Variants in VEPH1 observed in about 807,000 individuals in gnomAD.
VEPH1 encodes ventricular zone-expressed PH domain-containing protein homolog 1.
In VEPH1, 80 loss-of-function variants were observed where a neutral mutation model predicts 85.2. The ratio of observed to expected loss-of-function variants is 0.94; its 90% CI spans 0.78 to 1.13. The LOEUF is 1.13. Among genes scored for constraint, VEPH1 ranks in the 50% most tolerant of loss-of-function variants. The probability of loss-of-function intolerance (pLI) is 0.00; values close to 1 mark genes in which losing one functional copy is unlikely to be tolerated. For missense variants in VEPH1, 955 were observed against 980.5 expected (o/e 0.97, Z 0.35); for synonymous variants, 297 against 348.0 (o/e 0.85, Z 1.63).
intron 4 of VEPH1, among the ~76,000 whole-genome samples, chr3:157,441,429 CATT>C (rs2109231082): frequency 6.6e-6 from 1 of 152,274 alleles, no homozygotes; most frequent in Admixed American, 6.5e-5. Flanking sequence ...GCTTAGTCAT[CATT>C]ATTATACATT....
chr3:157,455,251 C>T (rs1050298997), intron 4 of VEPH1, among the ~76,000 whole-genome samples: 5 of 152,288 alleles, frequency 3.3e-5, no homozygotes, highest in East Asian at 3.9e-4. Context: ...GCCTTGCCAA[C>T]ATCTATTGTT....
chr3:157,378,438 A>G (rs1728404247), intron 7 of VEPH1, among the ~76,000 whole-genome samples: 1 of 149,482 alleles, frequency 6.7e-6, no homozygotes, highest in South Asian at 2.1e-4. Context: ...GGTTGTCACA[A>G]TTGAAAGGGG....
At chr3:157,270,807 G>A (rs1714449046) in intron 12 of VEPH1, among the ~76,000 whole-genome samples, 1 of 152,036 alleles carries the variant, frequency 6.6e-6, no homozygotes, top group Non-Finnish European at 1.5e-5. Context: ...GGGAAGATAT[G>A]GCATTTTACA....
rs191718468 is a variant in VEPH1, at chr3:157,352,619, A to G, written c.1735+10745T>C. Among the ~76,000 whole-genome samples, 18 of 152,378 alleles carry G rather than the reference A, an allele frequency of 1.2e-4. No homozygotes were observed. In the East Asian group the frequency reaches 3.3e-3, roughly 28 times the overall value. On this transcript the variant is annotated intron_variant, in intron 9 of 13. Transcript: ENST00000362010. The stretch of plus-strand genomic sequence containing the variant: ...TCTAGAGAAAGGACAGGAAATTAAT[A>G]TGAAAGAAAAGTTTTGTTTTTTACT...
At chr3:157,321,428 C>T (rs1006215134) in intron 9 of VEPH1, among the ~76,000 whole-genome samples, 24 of 152,250 alleles carry the variant, frequency 1.6e-4, no homozygotes, top group South Asian at 1.2e-3. Flanking sequence ...TTCACTGACT[C>T]CTTACTTTGT....
chr3:157,283,096 C>T (rs1008353706), intron 12 of VEPH1, among the ~76,000 whole-genome samples: 3 of 152,126 alleles, frequency 2.0e-5, no homozygotes, highest in Non-Finnish European at 2.9e-5. Flanking sequence ...AGTAAGTCAT[C>T]GAGGAAGTAG....
At chr3:157,313,414 C>T (rs1720360928) in intron 11 of VEPH1, among the ~76,000 whole-genome samples, 1 of 152,164 alleles carries the variant, frequency 6.6e-6, no homozygotes, top group South Asian at 2.1e-4. Flanking sequence ...ATACAGACCT[C>T]AAAGGGCAAT....
chr3:157,442,800 T>A, intron 4 of VEPH1: 20 of 1,614,200 alleles, frequency 1.2e-5, no homozygotes, highest in Admixed American at 1.7e-5. Context: ...GGGTGGTGGC[T>A]TTGATGAAAC....
intron 4 of VEPH1, among the ~76,000 whole-genome samples, chr3:157,451,779 G>A (rs542261505): frequency 6.6e-6 from 1 of 152,296 alleles, no homozygotes; most frequent in East Asian, 1.9e-4. Flanking sequence ...TTTAATCAGT[G>A]TTTTAAAATG....
At chr3:157,273,410 A>G (rs1321023986) in intron 12 of VEPH1, among the ~76,000 whole-genome samples, 2 of 152,212 alleles carry the variant, frequency 1.3e-5, no homozygotes, top group African/African-American at 4.8e-5. Flanking sequence ...ACTGAGAGGC[A>G]CTTATTCTAA....
At chr3:157,485,036 T>C (rs1259345849) in intron 2 of VEPH1, among the ~76,000 whole-genome samples, 1 of 152,150 alleles carries the variant, frequency 6.6e-6, no homozygotes, top group Non-Finnish European at 1.5e-5. Context: ...ACTATATTCT[T>C]TTTTAGGTTC....
At chr3:157,503,465 A>G (rs909235045), upstream of VEPH1, 4 of 151,998 alleles carry the variant, frequency 2.6e-5, no homozygotes, top group Admixed American at 2.0e-4. Context: ...CTCCCCATTG[A>G]CTCACCGTGC....
At chr3:157,394,093 C>T (rs1004091089) in intron 6 of VEPH1, among the ~76,000 whole-genome samples, 1 of 152,130 alleles carries the variant, frequency 6.6e-6, no homozygotes, top group African/African-American at 2.4e-5. Context: ...GAGATATTAT[C>T]CGGCATTTGG....
At chr3:157,373,140 C>T (rs1294225207) in intron 7 of VEPH1, among the ~76,000 whole-genome samples, 1 of 152,198 alleles carries the variant, frequency 6.6e-6, no homozygotes, top group Non-Finnish European at 1.5e-5. Context: ...AACTGAGGCA[C>T]ACTTAAGGTC....
chr3:157,300,244 TATTAG>T (rs1718634913), intron 11 of VEPH1, among the ~76,000 whole-genome samples: 1 of 152,150 alleles, frequency 6.6e-6, no homozygotes, highest in African/African-American at 2.4e-5. Context: ...ACCCAACCAC[TATTAG>T]ATTAGAACAG....
chr3:157,397,528 G>A (rs185288522), intron 6 of VEPH1, among the ~76,000 whole-genome samples: 127 of 152,190 alleles, frequency 8.3e-4, no homozygotes, highest in Non-Finnish European at 2.1e-4. Flanking sequence ...CCATTTTCAC[G>A]ATATTGATTC....
At chr3:157,323,896 T>C (rs1313819370) in intron 9 of VEPH1, among the ~76,000 whole-genome samples, 1 of 152,150 alleles carries the variant, frequency 6.6e-6, no homozygotes, top group Non-Finnish European at 1.5e-5. Flanking sequence ...AGTGATTACT[T>C]TCATATTGAG....
chr3:157,409,296 C>T (rs1182702670), intron 6 of VEPH1, among the ~76,000 whole-genome samples: 3 of 152,120 alleles, frequency 2.0e-5, no homozygotes, highest in Admixed American at 2.0e-4. Flanking sequence ...TAATCAAATA[C>T]TATTTCTTAT....
intron 12 of VEPH1, among the ~76,000 whole-genome samples, chr3:157,269,493 T>C (rs1487813923): frequency 6.6e-6 from 1 of 152,198 alleles, no homozygotes; most frequent in Non-Finnish European, 1.5e-5. Flanking sequence ...ATTTAGGTGT[T>C]AGAGTCAGTT....
Sources: allele counts gnomAD v4.1 joint callset (sites outside exome capture counted in the v4.1 genomes callset), GRCh38; gene constraint gnomAD v4.1.1; transcripts MANE v1.5; gene names NCBI Gene and HGNC (gene_info 2026-07-23, HGNC 2026-07-21).